Variants in SEMA3C observed in about 807,000 individuals in gnomAD.
SEMA3C encodes the protein semaphorin 3C.
Under a neutral mutation model 89.4 loss-of-function variants are expected in SEMA3C, and 47 were observed. The observed-to-expected ratio is 0.53, with a 90% CI of 0.42 to 0.67. SEMA3C has a LOEUF of 0.67. Ranked by LOEUF, SEMA3C falls within the 30% of genes least tolerant of loss-of-function variation. The pLI, the probability that SEMA3C is intolerant of heterozygous loss-of-function variation, is 0.00. For synonymous variants in SEMA3C, 310 were observed against 320.2 expected (o/e 0.97, Z 0.34); for missense variants, 839 against 929.1 (o/e 0.90, Z 1.26).
chr7:80,876,203 T>C (rs116778336), intron 2 of SEMA3C, among the ~76,000 whole-genome samples: 256 of 152,316 alleles, frequency 1.7e-3, no homozygotes, highest in African/African-American at 5.8e-3. Flanking sequence ...TTTTAGTAAC[T>C]TTAGAATTTT....
Position 80,765,166 on chromosome 7 carries a change from C to T in SEMA3C, c.1432G>A (p.Glu478Lys). 6.2e-7 allele frequency: 1 copy of T among 1,613,030 alleles called. No homozygotes were observed. Among genetic ancestry groups the T allele is most frequent in the Non-Finnish European group, 8.5e-7 (1 of 1,179,362 alleles). ...VSGELILEEL[E>K]VFKNHAPITT... is the part of the protein sequence containing the mutation. Reference sequence around the variant, plus strand: ...AGAGATGTTCAAACCTTAAAGACTTCCAGCTCCTCCAGAATGAGCTCGCCA... The same window carrying T: ...AGAGATGTTCAAACCTTAAAGACTTTCAGCTCCTCCAGAATGAGCTCGCCA... The change falls in exon 13 of 18, where the codon GAA becomes AAA. Residue 478 changes from glutamate (E) to lysine (K), a missense_variant. Physicochemically the swap from Glu to Lys is moderately conservative, Grantham distance 56. Transcript: ENST00000265361.
chr7:80,758,483 C>G lies in SEMA3C; in HGVS notation c.1491G>C (p.Gln497His). 1 of 1,613,404 alleles carries G rather than the reference C, an allele frequency of 6.2e-7. No individual in the cohort carries two copies. Among genetic ancestry groups the G allele is most frequent in the Middle Eastern group, 1.7e-4 (1 of 6,042 alleles). ...CCCCTTCATTGGAACTCACATACAACTGTTGCTATTAAAGGAATGATGATG... is the reference window on the plus strand; with the variant it reads ...CCCCTTCATTGGAACTCACATACAAGTGTTGCTATTAAAGGAATGATGATG... The part of the protein sequence containing the change: ...TTMKISSKKQ[Q>H]LYVSSNEGVS... Residue 497 changes from glutamine to histidine, a missense_variant, in exon 15 of 18, where the codon CAG becomes CAC. Gln to His is a conservative substitution (Grantham distance 24). Transcript: ENST00000265361.
At chr7:80,883,060 A>C (rs2116109410) in intron 2 of SEMA3C, among the ~76,000 whole-genome samples, 1 of 152,256 alleles carries the variant, frequency 6.6e-6, no homozygotes, top group South Asian at 2.1e-4. Context: ...CTCTTTCATT[A>C]GGTAAATTGC....
At chr7:80,844,979 T>G (rs1311067713) in intron 2 of SEMA3C, among the ~76,000 whole-genome samples, 2 of 152,182 alleles carry the variant, frequency 1.3e-5, no homozygotes, top group Non-Finnish European at 2.9e-5. Context: ...GTTCATGATC[T>G]CGCCGCTTGA....
intron 2 of SEMA3C, chr7:80,905,815 C>T (rs954474469): frequency 1.6e-6 from 2 of 1,272,440 alleles, no homozygotes; most frequent in South Asian, 1.2e-5. Context: ...ACATGGTTGG[C>T]TTATGCCACT....
intron 2 of SEMA3C, among the ~76,000 whole-genome samples, chr7:80,858,510 T>C (rs1438902527): frequency 6.6e-6 from 1 of 152,220 alleles, no homozygotes; most frequent in African/African-American, 2.4e-5. Context: ...ATTAGAGTTT[T>C]AGGTTGTAAA....
chr7:80,863,991 A>G (rs1335489482), intron 2 of SEMA3C, among the ~76,000 whole-genome samples: 1 of 150,134 alleles, frequency 6.7e-6, no homozygotes, highest in Non-Finnish European at 1.5e-5. Context: ...TATCACATGT[A>G]TATCACATAT....
chr7:80,834,058 C>T (rs1790071007), intron 2 of SEMA3C, among the ~76,000 whole-genome samples: 1 of 152,052 alleles, frequency 6.6e-6, no homozygotes, highest in Non-Finnish European at 1.5e-5. Flanking sequence ...TGAGGTACAG[C>T]TATTTGTGTT....
rs982065551 is a variant in SEMA3C, at chr7:80,744,710, T to G, written c.*184A>C. On this transcript the variant is annotated 3_prime_UTR_variant, in exon 18 of 18. Coordinates refer to ENST00000265361, the MANE Select transcript of SEMA3C (RefSeq NM_006379.5). ...TATGCACCATGAGGACCATGACATG[T>G]CTAGTGCTAGTCACTATCATACAAG... The G allele has an allele frequency of 4.7e-6, 3 of 635,728 alleles. No homozygotes were observed. Among genetic ancestry groups the G allele is most frequent in the Non-Finnish European group, 8.3e-6 (3 of 362,146 alleles). 39.4% of individuals were successfully genotyped at this position (635,728 alleles called of 1,614,324 possible).
At chr7:80,788,746 T>C (rs1308541514) in intron 12 of SEMA3C, among the ~76,000 whole-genome samples, 1 of 152,202 alleles carries the variant, frequency 6.6e-6, no homozygotes, top group Admixed American at 6.5e-5. Context: ...CCAAATGTTA[T>C]ATTGAGTATG....
chr7:80,794,687 G>C, intron 11 of SEMA3C, among the ~76,000 whole-genome samples: 1 of 152,146 alleles, frequency 6.6e-6, no homozygotes, highest in East Asian at 1.9e-4. Flanking sequence ...ATTAAGTTCT[G>C]CTTTAACAGG....
At chr7:80,769,864 CAA>C (rs1293174938) in intron 12 of SEMA3C, among the ~76,000 whole-genome samples, 33 of 46,674 alleles carry the variant, frequency 7.1e-4, no homozygotes, top group African/African-American at 2.5e-3. Flanking sequence ...GTCCCCCCCC[CAA>C]AAAAAAAAAA....
intron 4 of SEMA3C, among the ~76,000 whole-genome samples, chr7:80,825,880 T>C (rs1486273275): frequency 6.6e-6 from 1 of 152,180 alleles, no homozygotes; most frequent in Non-Finnish European, 1.5e-5. Flanking sequence ...TATACTTCAT[T>C]CTACCATTGG....
rs540491058 is a variant in SEMA3C at position 80,879,252 on chromosome 7, T to G, written c.103+37427A>C. On this transcript the variant is annotated intron_variant, in intron 2 of 17. Coordinates refer to ENST00000265361, the MANE Select transcript of SEMA3C (RefSeq NM_006379.5). ...CAATGGGAGATGTCTGAGCATACAT[T>G]AATGGAAAATGGAAATGGGCATCTG... 2.1e-4 allele frequency among the ~76,000 whole-genome samples: 32 copies of G among 152,024 alleles called. 1 individual carries two copies. In the South Asian group the frequency reaches 6.2e-3, roughly 30 times the overall value.
intron 4 of SEMA3C, among the ~76,000 whole-genome samples, chr7:80,826,159 A>G (rs1035159522): frequency 2.6e-5 from 4 of 152,098 alleles, no homozygotes; most frequent in African/African-American, 9.7e-5. Flanking sequence ...TTAGGAGTCA[A>G]TGAAAATAAA....
rs184095027 is a variant in SEMA3C at position 80,757,706 on chromosome 7, C to G, written c.1643+625G>C. Among the ~76,000 whole-genome samples the G allele has an allele frequency of 1.5e-4, 23 of 152,312 alleles. No homozygotes were observed. In the East Asian group the frequency reaches 3.9e-3, roughly 26 times the overall value. ...AAAAAGACGGCCGGGAGCGGTGGCT[C>G]ACGCCTGTAATCCCAGCACTTTGGG... On this transcript the variant is annotated intron_variant, in intron 15 of 17. Coordinates refer to ENST00000265361, the MANE Select transcript of SEMA3C (RefSeq NM_006379.5).
intron 2 of SEMA3C, among the ~76,000 whole-genome samples, chr7:80,841,191 A>G (rs1015706479): frequency 1.2e-4 from 19 of 152,190 alleles, no homozygotes. Context: ...GATCACATAC[A>G]AGTTTGCTAG....
Position 80,745,367 on chromosome 7 carries a change from C to T in SEMA3C, c.1843-60G>A. On this transcript the variant is annotated intron_variant, in intron 17 of 17. Transcript: ENST00000265361. ...AACATTATATTTCCTTAGATTATGA[C>T]CAACATACACAGAATAGTCTCAACT... The T allele has an allele frequency of 2.0e-6, 3 of 1,464,016 alleles. 1 individual carries two copies. The East Asian group carries it at 6.9e-5, about 34-fold the overall frequency. 90.7% of individuals were successfully genotyped at this position (1,464,016 alleles called of 1,614,324 possible).
intron 2 of SEMA3C, among the ~76,000 whole-genome samples, chr7:80,888,733 AT>A (rs2116137648): frequency 6.6e-6 from 1 of 152,272 alleles, no homozygotes; most frequent in Admixed American, 6.5e-5. Flanking sequence ...CCTTATAGAC[AT>A]TATAGACATT....
Sources: allele counts gnomAD v4.1 joint callset (sites outside exome capture counted in the v4.1 genomes callset), GRCh38; gene constraint gnomAD v4.1.1; transcripts MANE v1.5; gene names NCBI Gene and HGNC (gene_info 2026-07-23, HGNC 2026-07-21).